The following CACNB2 variants were observed in gnomAD, a reference collection of about 807,000 sequenced individuals.
CACNB2 encodes the protein voltage-dependent L-type calcium channel subunit beta-2.
Under a neutral mutation model 73.3 loss-of-function variants are expected in CACNB2, and 42 were observed. That is an observed-to-expected ratio of 0.57 (90% CI 0.45 to 0.74). The LOEUF is 0.74. Among genes scored for constraint, CACNB2 ranks in the 30% least tolerant of loss-of-function variants. The probability of loss-of-function intolerance (pLI) is 0.00; values close to 1 mark genes in which losing one functional copy is unlikely to be tolerated. For synonymous variants in CACNB2, 348 were observed against 310.3 expected, an observed-to-expected ratio of 1.12 and a Z score of -1.28; for missense variants, 940 against 853.0, an observed-to-expected ratio of 1.10 and a Z score of -1.27.
intron 2 of CACNB2, among the ~76,000 whole-genome samples, chr10:18,358,948 G>A (rs779385571): frequency 1.2e-4 from 18 of 151,990 alleles, no homozygotes; most frequent in Non-Finnish European, 2.1e-4. Flanking sequence ...TTTACATGGC[G>A]TTTTTCTCTT....
At chr10:18,419,809 G>A (rs1476899958) in intron 3 of CACNB2, among the ~76,000 whole-genome samples, 1 of 152,110 alleles carries the variant, frequency 6.6e-6, no homozygotes, top group Non-Finnish European at 1.5e-5. Context: ...TAAGAATAGT[G>A]TACTTTATTA....
chr10:18,484,227 G>A (rs1266017330), intron 3 of CACNB2, among the ~76,000 whole-genome samples: 1 of 151,678 alleles, frequency 6.6e-6, no homozygotes, highest in Non-Finnish European at 1.5e-5. Flanking sequence ...AACTCCATCT[G>A]TACTAAAAAT....
intron 2 of CACNB2, among the ~76,000 whole-genome samples, chr10:18,264,588 T>G (rs1018761603): frequency 1.3e-5 from 2 of 152,226 alleles, no homozygotes; most frequent in African/African-American, 4.8e-5. Flanking sequence ...TTCCTGTTTC[T>G]GAATTTTATT....
intron 2 of CACNB2, among the ~76,000 whole-genome samples, chr10:18,331,923 C>A (rs1380728572): frequency 6.6e-6 from 1 of 152,064 alleles, no homozygotes; most frequent in African/African-American, 2.4e-5. Context: ...AGGGTGGGGG[C>A]AGTGAGGGGA....
intron 2 of CACNB2, among the ~76,000 whole-genome samples, chr10:18,266,620 G>C (rs1296114765): frequency 1.3e-5 from 2 of 152,102 alleles, no homozygotes; most frequent in African/African-American, 4.8e-5. Flanking sequence ...CGGGCACGGT[G>C]GCTCACGCCT....
At chr10:18,295,800 G>T (rs949241580) in intron 2 of CACNB2, among the ~76,000 whole-genome samples, 3 of 152,116 alleles carry the variant, frequency 2.0e-5, no homozygotes, top group African/African-American at 7.2e-5. Flanking sequence ...AAAAGTAGAT[G>T]TTACTAGAAA....
chr10:18,160,971 A>T (rs780709290), intron 2 of CACNB2, among the ~76,000 whole-genome samples: 4 of 152,178 alleles, frequency 2.6e-5, no homozygotes, highest in South Asian at 2.1e-4. Flanking sequence ...GTGACCAAGC[A>T]TGTGTGTCTG....
rs1060504914 is a variant in CACNB2, at chr10:18,539,538, C to T, written c.1797C>T (p.Asp599=). The change falls in exon 14 of 14, where the codon GAC becomes GAT. Residue 599 remains aspartate, a synonymous_variant. Coordinates refer to ENST00000324631, the MANE Select transcript of CACNB2 (RefSeq NM_201596.3). ...GAGACGAGACCCACGGGAGCAGTGA[C>T]CACAGACACAGGGAGTCCCGGCACC... ...NHRDETHGSS[D]HRHRESRHRS... The T allele has an allele frequency of 6.8e-6, 11 of 1,613,702 alleles. No individual in the cohort carries two copies. The highest frequency in any genetic ancestry group is 1.7e-5 in the Admixed American group (1 of 59,962).
intron 2 of CACNB2, among the ~76,000 whole-genome samples, chr10:18,359,645 G>A (rs2042066121): frequency 6.6e-6 from 1 of 151,160 alleles, no homozygotes; most frequent in Non-Finnish European, 1.5e-5. Context: ...GGGTACACGT[G>A]CAGAACATGC....
chr10:18,425,573 TGGG>T, intron 3 of CACNB2, among the ~76,000 whole-genome samples: 1 of 151,932 alleles, frequency 6.6e-6, no homozygotes, highest in African/African-American at 2.4e-5. Flanking sequence ...GAGGCTGAGT[TGGG>T]GGGGTTGCTT....
At chr10:18,355,730 G>T (rs553426319) in intron 2 of CACNB2, among the ~76,000 whole-genome samples, 2 of 151,126 alleles carry the variant, frequency 1.3e-5, no homozygotes, top group South Asian at 4.2e-4. Context: ...TTTGCCTCCT[G>T]GGTTCAAGCA....
At chr10:18,377,326 T>C (rs1226222204) in intron 2 of CACNB2, among the ~76,000 whole-genome samples, 1 of 152,216 alleles carries the variant, frequency 6.6e-6, no homozygotes, top group Non-Finnish European at 1.5e-5. Context: ...TACCAATATG[T>C]GTATTGACAT....
chr10:18,537,960 G>A (rs2053768481), intron 12 of CACNB2, among the ~76,000 whole-genome samples: 1 of 151,982 alleles, frequency 6.6e-6, no homozygotes, highest in Admixed American at 6.6e-5. Flanking sequence ...TTACCTTTCT[G>A]GCCATTATTT....
intron 2 of CACNB2, among the ~76,000 whole-genome samples, chr10:18,275,622 A>T (rs917137862): frequency 6.6e-6 from 1 of 152,160 alleles, no homozygotes; most frequent in Admixed American, 6.5e-5. Flanking sequence ...AAAGTTGAAG[A>T]TTTAAAAAAA....
Position 18,140,762 on chromosome 10 carries a change from C to G in CACNB2, c.26C>G (p.Ser9Trp), listed in dbSNP as rs772164191. 1 of 1,595,822 alleles carries G rather than the reference C, an allele frequency of 6.3e-7. No homozygotes were observed. Among genetic ancestry groups the G allele is most frequent in the Non-Finnish European group, 8.5e-7 (1 of 1,172,888 alleles). Residue 9 changes from serine (S) to tryptophan (W), a missense_variant, in exon 1 of 14, where the codon TCG (serine) becomes TGG (tryptophan). Transcript: ENST00000324631. The part of the protein sequence containing the change: MVQRDMSK[S>W]PPTAAAAVAQ... ...ATGGTCCAAAGGGACATGTCCAAGT[C>G]GCCTCCCACAGCGGCGGCGGCGGTG...
chr10:18,191,226 T>C (rs2034379233), intron 2 of CACNB2, among the ~76,000 whole-genome samples: 1 of 152,202 alleles, frequency 6.6e-6, no homozygotes, highest in African/African-American at 2.4e-5. Flanking sequence ...TGTAGATAAA[T>C]AGGGTAGCCA....
rs1281941997 is a variant in CACNB2 at position 18,409,316 on chromosome 10, A to AAAAG, written c.333+7275_333+7276insAGAA. On this transcript the variant is annotated intron_variant, in intron 3 of 13. Transcript: ENST00000324631. The stretch of plus-strand genomic sequence containing the variant: ...TCTGTCTCCAGGAAAAAAAAAAAAA[A>AAAAG]AAGTAGAGACAAAGTCTCCTTATGT... 1.9e-3 allele frequency among the ~76,000 whole-genome samples: 292 copies of AAAAG among 150,358 alleles called. 1 individual carries two copies. The highest frequency in any genetic ancestry group is 7.6e-3 in the South Asian group (36 of 4,712).
intron 3 of CACNB2, among the ~76,000 whole-genome samples, chr10:18,421,440 G>A (rs1415538796): frequency 6.6e-6 from 1 of 151,836 alleles, no homozygotes; most frequent in African/African-American, 2.4e-5. Context: ...TGGGATTACA[G>A]GAATGCACCA....
chr10:18,439,078 C>T (rs1183617178), intron 3 of CACNB2, among the ~76,000 whole-genome samples: 1 of 152,228 alleles, frequency 6.6e-6, no homozygotes, highest in Non-Finnish European at 1.5e-5. Flanking sequence ...AGGCACATCT[C>T]ACAGGATACG....
Sources: allele counts gnomAD v4.1 joint callset (sites outside exome capture counted in the v4.1 genomes callset), GRCh38; gene constraint gnomAD v4.1.1; transcripts MANE v1.5; gene names NCBI Gene and HGNC (gene_info 2026-07-23, HGNC 2026-07-21).